SLC18A1: variants seen among roughly 807,000 people sequenced by gnomAD.
The protein encoded by SLC18A1 is solute carrier family 18 member A1, also known as chromaffin granule amine transporter.
SLC18A1 carries 69 observed loss-of-function variants against 53.7 expected under a neutral mutation model. That is an observed-to-expected ratio of 1.28 (90% CI 1.06 to 1.57). The LOEUF is 1.57. Ranked by LOEUF, SLC18A1 falls within the 40% of genes most tolerant of loss-of-function variation. The pLI, the probability that SLC18A1 is intolerant of heterozygous loss-of-function variation, is 0.00. For missense variants in SLC18A1, 932 were observed against 668.1 expected, an observed-to-expected ratio of 1.40 and a Z score of -4.35; for synonymous variants, 320 against 248.1, an observed-to-expected ratio of 1.29 and a Z score of -2.72.
At chr8:20,162,701 C>T (rs991120510) in intron 10 of SLC18A1, among the ~76,000 whole-genome samples, 1 of 152,208 alleles carries the variant, frequency 6.6e-6, no homozygotes, top group African/African-American at 2.4e-5. Flanking sequence ...TCATTTCTAT[C>T]TGAGACCTCG....
At chr8:20,169,962 A>G (rs2072069122) in intron 8 of SLC18A1, among the ~76,000 whole-genome samples, 2 of 152,222 alleles carry the variant, frequency 1.3e-5, no homozygotes, top group African/African-American at 4.8e-5. Flanking sequence ...ACTGCTGCAC[A>G]GTTAATAATA....
In SLC18A1 at chr8:20,165,059, G is replaced by A; in HGVS notation, c.907C>T (p.Leu303=). 4 of 1,614,208 alleles carry A rather than the reference G, an allele frequency of 2.5e-6. No individual in the cohort carries two copies. Among genetic ancestry groups the A allele is most frequent in the Non-Finnish European group, 3.4e-6 (4 of 1,180,024 alleles). ...LFMLLKDPYI[L]VAAGSICFAN... ...ATCGCCAGCTTACCTGCAGCCACCA[G>A]GATGTAAGGGTCTTTGAGAAGCATA... Residue 303 remains leucine (L), a synonymous_variant, in exon 9 of 16, where the codon CTG becomes TTG. Coordinates refer to ENST00000276373, the MANE Select transcript of SLC18A1 (RefSeq NM_003053.4).
intron 8 of SLC18A1, 81 bp from the exon 9 acceptor site, chr8:20,165,188 A>G (rs919196754): frequency 6.4e-6 from 8 of 1,244,910 alleles, no homozygotes; most frequent in African/African-American, 1.5e-5. Flanking sequence ...AGAAAGTACA[A>G]TTATGGGCTT....
At chr8:20,159,130 C>A (rs1373016950) in intron 10 of SLC18A1, among the ~76,000 whole-genome samples, 1 of 152,146 alleles carries the variant, frequency 6.6e-6, no homozygotes, top group Non-Finnish European at 1.5e-5. Context: ...CTACTACAGA[C>A]CCCTGGACTG....
chr8:20,152,142 C>T (rs1374885785), intron 10 of SLC18A1, among the ~76,000 whole-genome samples: 2 of 151,984 alleles, frequency 1.3e-5, no homozygotes, highest in Non-Finnish European at 2.9e-5. Context: ...ATAAAAAGCA[C>T]CTAATGGAAA....
chr8:20,150,784 A>G (rs780063306), intron 10 of SLC18A1, 40 bp from the exon 11 acceptor site: 16 of 1,560,894 alleles, frequency 1.0e-5, no homozygotes, highest in Admixed American at 3.3e-5. Context: ...GACATGTCCA[A>G]TTTACTCTAA....
chr8:20,156,910 C>T (rs528355855), intron 10 of SLC18A1, among the ~76,000 whole-genome samples: 7 of 152,174 alleles, frequency 4.6e-5, no homozygotes, highest in Admixed American at 6.5e-5. Context: ...AACTGGGTTG[C>T]GCAGCCCAGC....
intron 4 of SLC18A1, chr8:20,175,950 G>A (rs906498444): frequency 2.0e-5 from 3 of 152,126 alleles, no homozygotes; most frequent in African/African-American, 7.2e-5. Flanking sequence ...TGAGAATAGA[G>A]TGACCCACTC....
intron 2 of SLC18A1, 30 bp from the exon 3 acceptor site, chr8:20,179,514 G>T (rs201081817): frequency 6.3e-7 from 1 of 1,581,160 alleles, no homozygotes; most frequent in Non-Finnish European, 8.6e-7. Flanking sequence ...GGTGATGGGG[G>T]CTAAGGACCG....
chr8:20,163,445 A>C (rs2071879834), intron 10 of SLC18A1, among the ~76,000 whole-genome samples: 1 of 152,176 alleles, frequency 6.6e-6, no homozygotes. Flanking sequence ...TCAGCATTCA[A>C]ACCCAGGTGG....
In SLC18A1 at chr8:20,145,318, G is replaced by C. The variant is rs574355292; in HGVS notation, c.*445C>G. 2 of 152,872 alleles carry C rather than the reference G, an allele frequency of 1.3e-5. No homozygotes were observed. Among genetic ancestry groups the C allele is most frequent in the African/African-American group, 4.8e-5 (2 of 41,420 alleles). The allele number at this position is 152,872 out of a possible 1,614,324, so 9.5% of individuals were successfully genotyped here. A position where few individuals can be genotyped will look rare whatever the true frequency, so the allele number is the denominator to read the frequency against. ...TCTCAACTCGGCTGGGAAAACCCGG[G>C]AAAGAACACGTTGAGGAAAAGAGGG... On this transcript the variant is annotated 3_prime_UTR_variant, in exon 16 of 16. Transcript: ENST00000276373.
Position 20,144,955 on chromosome 8 carries a change from C to G in SLC18A1, c.*808G>C, listed in dbSNP as rs1055902832. On this transcript the variant is annotated 3_prime_UTR_variant, in exon 16 of 16. Coordinates refer to ENST00000276373, the MANE Select transcript of SLC18A1 (RefSeq NM_003053.4). ...ATCAGGAGGGATTTCAAGGCAGTTTCTTTTAACTTCTTCCCATGAAATCTT... is the reference window on the plus strand; with the variant it reads ...ATCAGGAGGGATTTCAAGGCAGTTTGTTTTAACTTCTTCCCATGAAATCTT... The G allele has an allele frequency of 2.0e-5, 3 of 152,154 alleles. No homozygotes were observed. The highest frequency in any genetic ancestry group is 7.2e-5 in the African/African-American group (3 of 41,440). 9.4% of individuals were successfully genotyped at this position (152,154 alleles called of 1,614,324 possible).
At chr8:20,149,572 T>TTC (rs71519923) in intron 12 of SLC18A1, 104 bp downstream of exon 12, 48 of 856,234 alleles carry the variant, frequency 5.6e-5, no homozygotes, top group Admixed American at 1.5e-4. Flanking sequence ...GTCTGTGTCT[T>TTC]TCTCTCTCTC....
intron 11 of SLC18A1, 133 bp from the exon 12 acceptor site, chr8:20,149,860 T>A: frequency 1.3e-6 from 1 of 743,868 alleles, no homozygotes; most frequent in Non-Finnish European, 2.3e-6. Flanking sequence ...ACAGCATCCC[T>A]ACATGACCAG....
rs989157155 is a variant in SLC18A1, at chr8:20,147,428, A to C, written c.1331-37T>G. On this transcript the variant is annotated intron_variant, in intron 14 of 15. Transcript: ENST00000276373. ...ACATCAAAGTCATAAGTGTCTATGG[A>C]GCCTCCATATGGAGCATCCTCCACG... 4 of 1,590,640 alleles carry C rather than the reference A, an allele frequency of 2.5e-6. No homozygotes were observed. In the African/African-American group the frequency reaches 5.4e-5, roughly 21 times the overall value.
rs1585190717 is a variant in SLC18A1, at chr8:20,150,448, C to A, written c.1094+218G>T. 2.0e-5 allele frequency among the ~76,000 whole-genome samples: 3 copies of A among 152,212 alleles called. No individual in the cohort carries two copies. The South Asian group carries it at 6.2e-4, about 32-fold the overall frequency. On this transcript the variant is annotated intron_variant, in intron 11 of 15. Coordinates refer to ENST00000276373, the MANE Select transcript of SLC18A1 (RefSeq NM_003053.4). Reference sequence around the variant, plus strand: ...GGGGTGCCCCTCATGTATCCACTGCCTCTTCTATAACAATCAGCTCAGAGC... The same window carrying A: ...GGGGTGCCCCTCATGTATCCACTGCATCTTCTATAACAATCAGCTCAGAGC...
chr8:20,158,022 C>G (rs1345047286), intron 10 of SLC18A1, among the ~76,000 whole-genome samples: 1 of 152,210 alleles, frequency 6.6e-6, no homozygotes, highest in Non-Finnish European at 1.5e-5. Flanking sequence ...GCCCACTGTC[C>G]CAGGGGACGA....
At chr8:20,163,485 C>G (rs1322604047) in intron 10 of SLC18A1, among the ~76,000 whole-genome samples, 1 of 152,096 alleles carries the variant, frequency 6.6e-6, no homozygotes, top group Non-Finnish European at 1.5e-5. Flanking sequence ...CTTGGTGATG[C>G]TACCTAGTAT....
At chr8:20,166,612 C>A (rs1006744176) in intron 8 of SLC18A1, among the ~76,000 whole-genome samples, 1 of 151,504 alleles carries the variant, frequency 6.6e-6, no homozygotes, top group African/African-American at 2.4e-5. Context: ...GGGATTGACA[C>A]TTTCTGAGTA....
Sources: gnomAD v4.1 joint callset for allele counts (sites outside exome capture counted in the v4.1 genomes callset) on GRCh38, gnomAD v4.1.1 for gene constraint, MANE v1.5 for transcripts, NCBI Gene and HGNC (gene_info 2026-07-23, HGNC 2026-07-21) for gene names.